MAPT: variants seen among roughly 807,000 people sequenced by gnomAD.
MAPT encodes microtubule-associated protein tau.
Under a neutral mutation model 67.9 loss-of-function variants are expected in MAPT, and 34 were observed. The ratio of observed to expected loss-of-function variants is 0.50; its 90% CI spans 0.38 to 0.67. The LOEUF (loss-of-function observed/expected upper bound fraction) is 0.67, where lower values mean the gene tolerates loss of function less well. MAPT is among the 30% of genes least tolerant of loss of function. The pLI, the probability that MAPT is intolerant of heterozygous loss-of-function variation, is 0.00. For synonymous variants in MAPT, 456 were observed against 464.5 expected, an observed-to-expected ratio of 0.98 and a Z score of 0.23; for missense variants, 881 against 1,115.2, an observed-to-expected ratio of 0.79 and a Z score of 2.99.
In MAPT at chr17:45,990,124, C is replaced by G. The variant is rs768606039; in HGVS notation, c.1605+49C>G. On this transcript the variant is annotated intron_variant, in intron 7 of 12. Coordinates refer to ENST00000262410, the MANE Select transcript of MAPT (RefSeq NM_001377265.1). ...AACCAGGCTGCTCTGCTGTGGTTTG[C>G]AAATGTGGGGTTTGTTTATTTGTTT... 7 of 1,553,862 alleles carry G rather than the reference C, an allele frequency of 4.5e-6. No individual in the cohort carries two copies. The East Asian group carries it at 1.6e-4, about 35-fold the overall frequency.
chr17:45,949,147 TC>T (rs2068800564), intron 1 of MAPT, among the ~76,000 whole-genome samples: 1 of 152,246 alleles, frequency 6.6e-6, no homozygotes, highest in Middle Eastern at 3.2e-3. Context: ...GACCACGCTT[TC>T]CCCAGACCAG....
intron 1 of MAPT, among the ~76,000 whole-genome samples, chr17:45,949,960 C>T (rs2068895110): frequency 6.6e-6 from 1 of 152,158 alleles, no homozygotes; most frequent in African/African-American, 2.4e-5. Context: ...GGAGGTTCTC[C>T]TGAGAGAGTA....
In MAPT at chr17:45,983,134, T is replaced by C. The variant is rs780053339; in HGVS notation, c.555T>C (p.Gly185=). The change falls in exon 5 of 13, where the codon GGT becomes GGC. Residue 185 remains glycine (G), a synonymous_variant. Coordinates refer to ENST00000262410, the MANE Select transcript of MAPT (RefSeq NM_001377265.1). ...AAGGCGGGGACTGGGCCGAGAAGGGTCCGGCCTTTCCGAAGCCCGCCACCA... is the reference window on the plus strand; with the variant it reads ...AAGGCGGGGACTGGGCCGAGAAGGGCCCGGCCTTTCCGAAGCCCGCCACCA... ...GQKGGDWAEK[G]PAFPKPATTA... 1 of 1,583,018 alleles carries C rather than the reference T, an allele frequency of 6.3e-7. No individual in the cohort carries two copies. The highest frequency in any genetic ancestry group is 1.1e-5 in the South Asian group (1 of 87,192).
chr17:45,985,846 A>T (rs935813303), intron 5 of MAPT: 5 of 337,936 alleles, frequency 1.5e-5, no homozygotes, highest in African/African-American at 2.2e-5. Context: ...GTCTTTTAGC[A>T]GGTGATTCTG....
Position 45,915,141 on chromosome 17 carries a change from G to A in MAPT, c.-18+20455G>A, listed in dbSNP as rs2065090782. Among the ~76,000 whole-genome samples the A allele has an allele frequency of 2.6e-5, 4 of 152,162 alleles. No individual in the cohort carries two copies. Among genetic ancestry groups the A allele is most frequent in the African/African-American group, 7.2e-5 (3 of 41,438 alleles). On this transcript the variant is annotated intron_variant, in intron 1 of 12. Coordinates refer to ENST00000262410, the MANE Select transcript of MAPT (RefSeq NM_001377265.1). The surrounding 1 kb of genome is among the most constrained non-coding windows in gnomAD (Gnocchi z 4.4). ...CTCAAGTGATGCTGGCAGGCATGAC[G>A]AATGTCCCTGGTCACAAAAGCTCTG...
At chr17:45,955,086 G>A (rs1480716909) in intron 1 of MAPT, among the ~76,000 whole-genome samples, 2 of 152,226 alleles carry the variant, frequency 1.3e-5, no homozygotes, top group African/African-American at 4.8e-5. Context: ...TGAGTCACCA[G>A]TTAGTAAAAC....
chr17:45,906,079 T>A lies in MAPT; in HGVS notation c.-18+11393T>A, dbSNP rs2064288819. Among the ~76,000 whole-genome samples, 1 of 152,196 alleles carries A rather than the reference T, an allele frequency of 6.6e-6. No individual in the cohort carries two copies. Among genetic ancestry groups the A allele is most frequent in the African/African-American group, 2.4e-5 (1 of 41,450 alleles). ...ATGCATGGGTGGCCACAGCCCAGCC[T>A]GCACTGATCTTGTCTGTCCCCTTCT... On this transcript the variant is annotated intron_variant, in intron 1 of 12. Transcript: ENST00000262410. The surrounding 1 kb of genome is among the most constrained non-coding windows in gnomAD (Gnocchi z 4.3).
intron 1 of MAPT, among the ~76,000 whole-genome samples, chr17:45,939,793 C>T (rs543928097): frequency 6.6e-6 from 1 of 152,294 alleles, no homozygotes; most frequent in African/African-American, 2.4e-5. Context: ...CTTGGGGCTA[C>T]GTCTGAGGAG....
Position 45,974,422 on chromosome 17 carries a change from C to A in MAPT, c.220+2477C>A. ...CCTTAGTGGATGAGGGAGCTCCCGG[C>A]AAGCAGGCTGCCGCGCAGCCCCACA... On this transcript the variant is annotated intron_variant, in intron 3 of 12. Coordinates refer to ENST00000262410, the MANE Select transcript of MAPT (RefSeq NM_001377265.1). The A allele has an allele frequency of 1.2e-6, 2 of 1,610,870 alleles. No homozygotes were observed. Among genetic ancestry groups the A allele is most frequent in the Non-Finnish European group, 1.7e-6 (2 of 1,179,276 alleles).
intron 3 of MAPT, chr17:45,974,518 G>C: frequency 6.8e-7 from 1 of 1,474,422 alleles, no homozygotes; most frequent in East Asian, 2.4e-5. Context: ...GCCCTGCTGG[G>C]TGCCCCAGCT....
rs148195237 is a variant in MAPT at position 45,972,209 on chromosome 17, C to T, written c.220+264C>T. ...GCGCACAGCTCCACAAAGCCCCGCT[C>T]CATACGATTGTCCTCCCACACCCCC... On this transcript the variant is annotated intron_variant, in intron 3 of 12. Transcript: ENST00000262410. 2.9e-4 allele frequency: 186 copies of T among 645,168 alleles called. No individual in the cohort carries two copies. In the African/African-American group the frequency reaches 3.1e-3, roughly 11 times the overall value. The allele number at this position is 645,168 out of a possible 1,614,324, so 40.0% of individuals were successfully genotyped here. A position where few individuals can be genotyped will look rare whatever the true frequency, so the allele number is the denominator to read the frequency against.
intron 1 of MAPT, among the ~76,000 whole-genome samples, chr17:45,909,376 A>G (rs1445760885): frequency 6.6e-6 from 1 of 152,196 alleles, no homozygotes; most frequent in African/African-American, 2.4e-5. Context: ...ACTTGGGACT[A>G]CCTGGCTTTC....
intron 1 of MAPT, among the ~76,000 whole-genome samples, chr17:45,900,296 T>C (rs1253169348): frequency 6.6e-6 from 1 of 152,354 alleles, no homozygotes; most frequent in South Asian, 2.1e-4. Context: ...ATTCCTTTCC[T>C]GTCTCCAGGT....
In MAPT at chr17:45,896,669, T is replaced by G. The variant is rs1433193553; in HGVS notation, c.-18+1983T>G. 2.0e-5 allele frequency: 3 copies of G among 152,310 alleles called. No homozygotes were observed. The highest frequency in any genetic ancestry group is 2.0e-4 in the Admixed American group (3 of 15,280). 9.4% of individuals were successfully genotyped at this position (152,310 alleles called of 1,614,324 possible). A position where few individuals can be genotyped will look rare whatever the true frequency, so the allele number is the denominator to read the frequency against. The stretch of plus-strand genomic sequence containing the variant: ...CCCCGAACCCCCGCGCCTGAGGCTG[T>G]TTCTGATTGGCCCCTGGAGGCCGCA... On this transcript the variant is annotated intron_variant, in intron 1 of 12. Transcript: ENST00000262410. This position sits in a 1 kb window ranked among gnomAD's most constrained non-coding sequence, Gnocchi z 5.6.
intron 1 of MAPT, among the ~76,000 whole-genome samples, chr17:45,949,170 A>AG (rs1199017389): frequency 6.6e-6 from 1 of 152,236 alleles, no homozygotes; most frequent in East Asian, 1.9e-4. Context: ...ACCGCGGGCC[A>AG]GGGGGCGATT....
At chr17:45,933,118 G>A (rs2066998130) in intron 1 of MAPT, among the ~76,000 whole-genome samples, 1 of 151,910 alleles carries the variant, frequency 6.6e-6, no homozygotes, top group Admixed American at 6.6e-5. Context: ...TCTTGGACCA[G>A]GAAAATATTT....
rs773762393 is a variant in MAPT at position 45,962,445 on chromosome 17, G to T, written c.108G>T (p.Glu36Asp). The change falls in exon 2 of 13, where the codon GAG becomes GAT. Residue 36 changes from glutamate (E) to aspartate (D), a missense_variant. Glu to Asp is a conservative substitution (Grantham distance 45). This residue lies in a region of MAPT where 687 missense variants were observed against 766.1 expected (regional missense o/e 0.90). Transcript: ENST00000262410. ...GCTACACCATGCACCAAGACCAAGA[G>T]GGTGACACGGACGCTGGCCTGAAAG... is the stretch of plus-strand genomic sequence containing the variant. ...QGGYTMHQDQEGDTDAGLKES... is the reference protein window; with the variant it reads ...QGGYTMHQDQDGDTDAGLKES... The T allele has an allele frequency of 8.7e-6, 14 of 1,612,902 alleles. No homozygotes were observed. Among genetic ancestry groups the T allele is most frequent in the Middle Eastern group, 1.9e-4 (1 of 5,130 alleles).
chr17:45,924,492 C>G (rs571409845), intron 1 of MAPT, among the ~76,000 whole-genome samples: 63 of 152,338 alleles, frequency 4.1e-4, no homozygotes, highest in Non-Finnish European at 8.5e-4. Context: ...TGAAGGCAAA[C>G]AAAACAGAAA....
chr17:45,964,674 C>T (rs1426880218), intron 2 of MAPT, among the ~76,000 whole-genome samples: 1 of 151,474 alleles, frequency 6.6e-6, no homozygotes, highest in Admixed American at 6.6e-5. Flanking sequence ...ACAGAGACCC[C>T]CATGTCAAAT....
Sources: allele counts gnomAD v4.1 joint callset (sites outside exome capture counted in the v4.1 genomes callset), GRCh38; gene constraint gnomAD v4.1.1; regional missense constraint gnomAD v4.1.1; non-coding constraint Gnocchi (gnomAD v3.1); transcripts MANE v1.5; gene names NCBI Gene and HGNC (gene_info 2026-07-23, HGNC 2026-07-21).